The following SPHKAP variants were observed in gnomAD, a reference collection of about 807,000 sequenced individuals.
SPHKAP encodes SPHK1 interactor, AKAP domain containing, also known as A-kinase anchor protein SPHKAP.
In SPHKAP, 67 loss-of-function variants were observed where a neutral mutation model predicts 137.5. The observed-to-expected ratio is 0.49, with a 90% CI of 0.40 to 0.60. The LOEUF (loss-of-function observed/expected upper bound fraction) is 0.60. SPHKAP is among the 20% of genes least tolerant of loss of function. The pLI is 0.00. For missense variants in SPHKAP, 2,097 were observed against 2,069.3 expected (o/e 1.01, Z -0.26); for synonymous variants, 813 against 785.3 (o/e 1.04, Z -0.59).
chr2:227,986,701 TA>T (rs1417085958), intron 11 of SPHKAP, among the ~76,000 whole-genome samples: 1 of 152,184 alleles, frequency 6.6e-6, no homozygotes, highest in Non-Finnish European at 1.5e-5. Context: ...CTTAGGAAGG[TA>T]AGCACATACC....
rs1488132047 is a variant in SPHKAP, at chr2:227,980,739, G to C, written c.*978C>G. On this transcript the variant is annotated 3_prime_UTR_variant, in exon 12 of 12. Coordinates refer to ENST00000392056, the MANE Select transcript of SPHKAP (RefSeq NM_001142644.2). ...GAGCGGCATGTCTGCTGTACAGGTA[G>C]CAGCACATACGTGATGAAACAGGCC... 6.6e-6 allele frequency: 1 copy of C among 152,048 alleles called. No homozygotes were observed. Among genetic ancestry groups the C allele is most frequent in the Non-Finnish European group, 1.5e-5 (1 of 67,988 alleles). 9.4% of individuals were successfully genotyped at this position (152,048 alleles called of 1,614,324 possible). A position where few individuals can be genotyped will look rare whatever the true frequency, so the allele number is the denominator to read the frequency against.
At chr2:228,144,091 A>G (rs1448042271) in intron 1 of SPHKAP, among the ~76,000 whole-genome samples, 1 of 151,980 alleles carries the variant, frequency 6.6e-6, no homozygotes, top group Non-Finnish European at 1.5e-5. Context: ...TCACTTCATT[A>G]TTTCTTTCAG....
rs541777716 is a variant in SPHKAP, at chr2:228,079,388, C to T, written c.246+29444G>A. Among the ~76,000 whole-genome samples the T allele has an allele frequency of 3.9e-5, 6 of 152,296 alleles. No individual in the cohort carries two copies. In the South Asian group the frequency reaches 1.0e-3, roughly 26 times the overall value. On this transcript the variant is annotated intron_variant, in intron 3 of 11. Coordinates refer to ENST00000392056, the MANE Select transcript of SPHKAP (RefSeq NM_001142644.2). ...TCCATGGCTCTGGGGTTGGGGATCCCTGGCCCACAGCACTAGGCTGGCGCC... is the reference window on the plus strand; with the variant it reads ...TCCATGGCTCTGGGGTTGGGGATCCTTGGCCCACAGCACTAGGCTGGCGCC...
intron 1 of SPHKAP, among the ~76,000 whole-genome samples, chr2:228,140,068 C>T (rs1298028470): frequency 6.6e-6 from 1 of 151,778 alleles, no homozygotes; most frequent in African/African-American, 2.4e-5. Context: ...ACTCAGCCTC[C>T]TGAGTAGCTG....
intron 5 of SPHKAP, among the ~76,000 whole-genome samples, chr2:228,023,994 T>A (rs192330369): frequency 9.5e-4 from 145 of 152,276 alleles, no homozygotes; most frequent in African/African-American, 3.2e-3. Flanking sequence ...AGATATTGCT[T>A]CCTTGTGGGA....
intron 3 of SPHKAP, among the ~76,000 whole-genome samples, chr2:228,060,080 G>A (rs1025761128): frequency 1.9e-4 from 29 of 152,224 alleles, no homozygotes; most frequent in Non-Finnish European, 3.5e-4. Context: ...TGATGCTATA[G>A]TCTGTTCTTT....
chr2:228,130,665 A>G (rs1010000552), intron 2 of SPHKAP, among the ~76,000 whole-genome samples: 3 of 152,176 alleles, frequency 2.0e-5, no homozygotes, highest in Non-Finnish European at 4.4e-5. Flanking sequence ...CATATGATGA[A>G]GCATTTATAA....
At chr2:228,165,861 C>T (rs1700408032) in intron 1 of SPHKAP, among the ~76,000 whole-genome samples, 1 of 152,218 alleles carries the variant, frequency 6.6e-6, no homozygotes, top group Non-Finnish European at 1.5e-5. Flanking sequence ...ATTGCATCAA[C>T]ATATTTGGTG....
rs1693608967 is a variant in SPHKAP, at chr2:227,995,600, C to T, written c.4543G>A (p.Glu1515Lys). 3 of 1,613,928 alleles carry T rather than the reference C, an allele frequency of 1.9e-6. No individual in the cohort carries two copies. Among genetic ancestry groups the T allele is most frequent in the Non-Finnish European group, 8.5e-7 (1 of 1,180,000 alleles). The stretch of plus-strand genomic sequence containing the variant: ...AGCTGGGTCCAGCTGCCTGTGCTCT[C>T]CTCGCTGCTGCTTGGAGGGTTGGGG... ...EAPNPPSSSE[E>K]STGSWTQLAN... Residue 1515 changes from glutamate (E) to lysine (K), a missense_variant, in exon 8 of 12, where the codon GAG becomes AAG. By Grantham distance (56) the Glu-to-Lys change is moderately conservative. Transcript: ENST00000392056.
intron 3 of SPHKAP, among the ~76,000 whole-genome samples, chr2:228,056,160 C>T (rs552128216): frequency 6.6e-6 from 1 of 152,356 alleles, no homozygotes; most frequent in South Asian, 2.1e-4. Context: ...TCCTTCATCA[C>T]CATTATCACA....
At chr2:228,026,819 G>A (rs185835078) in intron 4 of SPHKAP, among the ~76,000 whole-genome samples, 1 of 152,314 alleles carries the variant, frequency 6.6e-6, no homozygotes, top group African/African-American at 2.4e-5. Context: ...GTCAGTAACC[G>A]AGTAATTGCA....
intron 2 of SPHKAP, among the ~76,000 whole-genome samples, chr2:228,127,818 A>G (rs910422406): frequency 6.6e-5 from 10 of 152,220 alleles, no homozygotes; most frequent in Admixed American, 3.9e-4. Flanking sequence ...AAATATCACA[A>G]TAAAGGGACT....
In SPHKAP at chr2:228,181,684, G is replaced by C; in HGVS notation, c.-86C>G. 1 of 1,613,186 alleles carries C rather than the reference G, an allele frequency of 6.2e-7. No homozygotes were observed. The highest frequency in any genetic ancestry group is 8.5e-7 in the Non-Finnish European group (1 of 1,179,468). ...CTAGGACCCAGCTCCCAGAGTGCCAGACTGGCGCGCGCCAGGAGAGAGGCG... is the reference window on the plus strand; with the variant it reads ...CTAGGACCCAGCTCCCAGAGTGCCACACTGGCGCGCGCCAGGAGAGAGGCG... On this transcript the variant is annotated 5_prime_UTR_variant, in exon 1 of 12. Coordinates refer to ENST00000392056, the MANE Select transcript of SPHKAP (RefSeq NM_001142644.2). This position sits in a 1 kb window ranked among gnomAD's most constrained non-coding sequence, Gnocchi z 4.3.
chr2:228,054,612 G>T lies in SPHKAP; in HGVS notation c.247-27069C>A, dbSNP rs1264715184. On this transcript the variant is annotated intron_variant, in intron 3 of 11. Transcript: ENST00000392056. ...GGAGATTCATAAAATACACACGTTTGGTTCACTAACCTCCACAATCAGAAT... is the reference window on the plus strand; with the variant it reads ...GGAGATTCATAAAATACACACGTTTTGTTCACTAACCTCCACAATCAGAAT... Among the ~76,000 whole-genome samples the T allele has an allele frequency of 4.6e-5, 7 of 152,080 alleles. No homozygotes were observed. In the South Asian group the frequency reaches 1.4e-3, roughly 31 times the overall value.
intron 3 of SPHKAP, among the ~76,000 whole-genome samples, chr2:228,036,336 C>A (rs944137126): frequency 6.6e-5 from 10 of 152,146 alleles, no homozygotes; most frequent in South Asian, 2.1e-4. Flanking sequence ...CGATGAGATA[C>A]CATCTCACAC....
rs1352991539 is a variant in SPHKAP at position 227,983,124 on chromosome 2, T to A, written c.4960-1264A>T. Among the ~76,000 whole-genome samples, 3 of 152,264 alleles carry A rather than the reference T, an allele frequency of 2.0e-5. No homozygotes were observed. The East Asian group carries it at 5.8e-4, about 30-fold the overall frequency. Reference sequence around the variant, plus strand: ...ATTTTTTAAAATTAATTAATTATTATTATTTTTTGGTATTTGTTTGCTCAG... The same window carrying A: ...ATTTTTTAAAATTAATTAATTATTAATATTTTTTGGTATTTGTTTGCTCAG... On this transcript the variant is annotated intron_variant, in intron 11 of 11. Transcript: ENST00000392056.
At chr2:228,023,110 C>T (rs1170304435) in intron 5 of SPHKAP, among the ~76,000 whole-genome samples, 1 of 152,222 alleles carries the variant, frequency 6.6e-6, no homozygotes, top group Non-Finnish European at 1.5e-5. Context: ...TTCTCCACTA[C>T]ACATTGTCAC....
chr2:228,105,463 A>T (rs1196699970), intron 3 of SPHKAP, among the ~76,000 whole-genome samples: 3 of 152,142 alleles, frequency 2.0e-5, no homozygotes, highest in African/African-American at 7.2e-5. Context: ...GTTAGTATAT[A>T]TTTTTTCAGA....
intron 1 of SPHKAP, among the ~76,000 whole-genome samples, chr2:228,133,338 T>G (rs1374722587): frequency 2.6e-5 from 3 of 116,588 alleles, no homozygotes; most frequent in African/African-American, 9.0e-5. Flanking sequence ...AATAAATAAA[T>G]AAATAAATAA....
Sources: gnomAD v4.1 joint callset for allele counts (sites outside exome capture counted in the v4.1 genomes callset) on GRCh38, gnomAD v4.1.1 for gene constraint, Gnocchi (gnomAD v3.1) non-coding constraint, MANE v1.5 for transcripts, NCBI Gene and HGNC (gene_info 2026-07-23, HGNC 2026-07-21) for gene names.